Variants in TNFSF11 observed in about 807,000 individuals in gnomAD.
TNFSF11 encodes tumor necrosis factor ligand superfamily member 11.
In TNFSF11, 12 loss-of-function variants were observed where a neutral mutation model predicts 32.2. The ratio of observed to expected loss-of-function variants is 0.37; its 90% CI spans 0.24 to 0.60. The LOEUF (loss-of-function observed/expected upper bound fraction) is 0.60, where lower values mean the gene tolerates loss of function less well. Ranked by LOEUF, TNFSF11 falls within the 20% of genes least tolerant of loss-of-function variation. The probability of loss-of-function intolerance (pLI) is 0.66; values close to 1 mark genes in which losing one functional copy is unlikely to be tolerated. For missense variants in TNFSF11, 345 were observed against 398.0 expected (o/e 0.87, Z 1.13); for synonymous variants, 172 against 152.1 (o/e 1.13, Z -0.96).
chr13:42,564,655 T>C (rs1872804616), intron 1 of TNFSF11, among the ~76,000 whole-genome samples: 2 of 152,242 alleles, frequency 1.3e-5, no homozygotes, highest in South Asian at 4.1e-4. Context: ...TCCCTCTTCA[T>C]TATGAACCAT....
At chr13:42,599,338 T>TATCATCC (rs1374270083) in intron 2 of TNFSF11, among the ~76,000 whole-genome samples, 4 of 106,088 alleles carry the variant, frequency 3.8e-5, no homozygotes, top group South Asian at 6.6e-4. Flanking sequence ...TCTATCTATC[T>TATCATCC]ATCTATCTAT....
At chr13:42,601,403 C>T (rs1869167467) in intron 4 of TNFSF11, among the ~76,000 whole-genome samples, 3 of 152,136 alleles carry the variant, frequency 2.0e-5, no homozygotes, top group Admixed American at 2.0e-4. Flanking sequence ...TTTAGACCCC[C>T]GTTAAGATCT....
At chr13:42,571,210 C>T (rs59741898), upstream of TNFSF11, among the ~76,000 whole-genome samples, 233 of 152,140 alleles carry the variant, frequency 1.5e-3, 1 homozygote, top group African/African-American at 5.4e-3. Context: ...TCTGGAGAGG[C>T]GACATTTGAG....
intron 2 of TNFSF11, among the ~76,000 whole-genome samples, chr13:42,592,203 C>T (rs1411391582): frequency 1.3e-5 from 2 of 152,204 alleles, no homozygotes; most frequent in African/African-American, 4.8e-5. Context: ...GGAGGTAACA[C>T]AGCCCCAACA....
intron 2 of TNFSF11, among the ~76,000 whole-genome samples, chr13:42,588,099 T>C (rs1873984862): frequency 1.3e-5 from 2 of 152,230 alleles, no homozygotes; most frequent in Non-Finnish European, 1.5e-5. Context: ...GGTTTTCCAA[T>C]AGGATTTCAT....
In TNFSF11 at chr13:42,592,870, G is replaced by A. The variant is rs963544024; in HGVS notation, c.388-7882G>A. 5.3e-5 allele frequency among the ~76,000 whole-genome samples: 8 copies of A among 152,194 alleles called. No homozygotes were observed. The East Asian group carries it at 9.6e-4, about 18-fold the overall frequency. ...CATTTCCCCTGCTTGCACTCACTCC[G>A]TCCTGCCACCCTGTGATGAAGGTGC... On this transcript the variant is annotated intron_variant, in intron 2 of 4. Transcript: ENST00000398795.
At chr13:42,570,472 TTG>T (rs1566372178), upstream of TNFSF11, among the ~76,000 whole-genome samples, 1 of 152,234 alleles carries the variant, frequency 6.6e-6, no homozygotes, top group Non-Finnish European at 1.5e-5. Flanking sequence ...GATCCAAACA[TTG>T]TGTTATTTAC....
intron 4 of TNFSF11, among the ~76,000 whole-genome samples, chr13:42,605,253 A>G (rs747853508): frequency 5.9e-5 from 9 of 152,284 alleles, no homozygotes; most frequent in Non-Finnish European, 1.2e-4. Flanking sequence ...GGCAGCAATG[A>G]ACTTCTTGTG....
At chr13:42,594,262 A>G (rs1050829988) in intron 2 of TNFSF11, among the ~76,000 whole-genome samples, 13 of 152,018 alleles carry the variant, frequency 8.6e-5, no homozygotes, top group African/African-American at 3.1e-4. Flanking sequence ...AAATATTTTT[A>G]GTAGAGACGA....
At chr13:42,588,774 G>A (rs1335714572) in intron 2 of TNFSF11, among the ~76,000 whole-genome samples, 1 of 152,228 alleles carries the variant, frequency 6.6e-6, no homozygotes, top group Non-Finnish European at 1.5e-5. Context: ...ATCCTAGGAA[G>A]AGGTGAGAGC....
At position 42,576,702 on chromosome 13, in the gene TNFSF11, T is replaced by A. The variant is rs771566076; in HGVS notation, c.219+2180T>A. Among the ~76,000 whole-genome samples, 34 of 152,238 alleles carry A rather than the reference T, an allele frequency of 2.2e-4. 1 individual carries two copies. Among genetic ancestry groups the A allele is most frequent in the Non-Finnish European group, 3.1e-4 (21 of 68,048 alleles). On this transcript the variant is annotated intron_variant, in intron 1 of 4. Coordinates refer to ENST00000398795, the MANE Select transcript of TNFSF11 (RefSeq NM_003701.4). ...ATATGAATATACCACTAGATCGGGA[T>A]GCATTTTACTGGATATTGTGTCTAC... is the stretch of plus-strand genomic sequence containing the variant.
At chr13:42,574,132 T>C (rs1338537544), upstream of TNFSF11, 5 of 806,238 alleles carry the variant, frequency 6.2e-6, no homozygotes, top group South Asian at 3.4e-5. Flanking sequence ...TTTATAAGAG[T>C]TGGGGCTGCC....
At chr13:42,575,273 A>T (rs545781538) in intron 1 of TNFSF11, among the ~76,000 whole-genome samples, 1 of 152,334 alleles carries the variant, frequency 6.6e-6, no homozygotes, top group East Asian at 1.9e-4. Context: ...CAACCTTCGG[A>T]AAGATGAAGA....
In TNFSF11 at chr13:42,565,851, G is replaced by A. The variant is rs114030056; in HGVS notation, c.-301-770G>A. The stretch of plus-strand genomic sequence containing the variant: ...AGACTGCTGGAAGGAGGATGAAAGG[G>A]AAGCCATTTTAGTACTTAGGCAGGA... On this transcript the variant is annotated intron_variant, in intron 1 of 6. Transcript: ENST00000358545. 2.3e-3 allele frequency among the ~76,000 whole-genome samples: 352 copies of A among 152,252 alleles called. 3 individuals are homozygous for A. The highest frequency in any genetic ancestry group is 8.2e-3 in the African/African-American group (339 of 41,540).
At chr13:42,597,340 C>CT (rs774612741) in intron 2 of TNFSF11, among the ~76,000 whole-genome samples, 9,575 of 125,632 alleles carry the variant, frequency 0.076, 417 homozygotes, top group African/African-American at 0.088. Context: ...GCCTTTTGTT[C>CT]TTTTTTTTTT....
intron 2 of TNFSF11, among the ~76,000 whole-genome samples, chr13:42,585,529 A>T (rs543663958): frequency 6.6e-6 from 1 of 152,280 alleles, no homozygotes; most frequent in Non-Finnish European, 1.5e-5. Flanking sequence ...ATCCAACCCT[A>T]CCAACCACAA....
chr13:42,600,305 T>C (rs770483071), intron 2 of TNFSF11, among the ~76,000 whole-genome samples: 1 of 152,208 alleles, frequency 6.6e-6, no homozygotes, highest in African/African-American at 2.4e-5. Flanking sequence ...TTCTCTTTCC[T>C]GTGGGCTGAG....
chr13:42,581,073 G>A, intron 1 of TNFSF11, 53 bp from the exon 2 acceptor site: 2 of 1,587,730 alleles, frequency 1.3e-6, no homozygotes, highest in Non-Finnish European at 8.6e-7. Flanking sequence ...GTATTAAATA[G>A]CAGGATGACT....
At chr13:42,567,146 A>G (rs1165661246) in intron 2 of TNFSF11, among the ~76,000 whole-genome samples, 1 of 152,218 alleles carries the variant, frequency 6.6e-6, no homozygotes, top group Non-Finnish European at 1.5e-5. Flanking sequence ...CAGATTCAGG[A>G]AACATTTAGG....
Sources: allele counts gnomAD v4.1 joint callset (sites outside exome capture counted in the v4.1 genomes callset), GRCh38; gene constraint gnomAD v4.1.1; transcripts MANE v1.5; gene names NCBI Gene and HGNC (gene_info 2026-07-23, HGNC 2026-07-21).